The following PLCB4 variants were observed in gnomAD, a reference collection of about 807,000 sequenced individuals.
The protein encoded by PLCB4 is phospholipase C beta 4, also known as 1-phosphatidylinositol 4,5-bisphosphate phosphodiesterase beta-4.
A neutral mutation model predicts 178.8 loss-of-function variants in PLCB4; 77 were observed. The ratio of observed to expected loss-of-function variants is 0.43; its 90% CI spans 0.36 to 0.52. The LOEUF (loss-of-function observed/expected upper bound fraction) is 0.52, where lower values mean the gene tolerates loss of function less well. Ranked by LOEUF, PLCB4 falls within the 20% of genes least tolerant of loss-of-function variation. The probability of loss-of-function intolerance (pLI) is 0.00; values close to 1 mark genes in which losing one functional copy is unlikely to be tolerated. For synonymous variants in PLCB4, 496 were observed against 490.8 expected, an observed-to-expected ratio of 1.01 and a Z score of -0.14; for missense variants, 1,024 against 1,453.4, an observed-to-expected ratio of 0.70 and a Z score of 4.80.
At chr20:9,182,413 G>GT (rs1701758381) in intron 2 of PLCB4, among the ~76,000 whole-genome samples, 1 of 152,214 alleles carries the variant, frequency 6.6e-6, no homozygotes, top group Admixed American at 6.5e-5. Context: ...CATGTTCTTC[G>GT]TTTTTTGTCT....
intron 1 of PLCB4, among the ~76,000 whole-genome samples, chr20:9,084,544 C>T (rs182687200): frequency 2.0e-5 from 3 of 151,786 alleles, no homozygotes; most frequent in African/African-American, 4.8e-5. Context: ...TATCATAAGA[C>T]ATTCATTAAG....
chr20:9,397,444 A>G (rs2038682483), intron 19 of PLCB4, among the ~76,000 whole-genome samples: 2 of 152,246 alleles, frequency 1.3e-5, no homozygotes, highest in East Asian at 3.9e-4. Context: ...CTTCCCATAA[A>G]TCATGAATGT....
At chr20:9,335,504 A>G (rs896008355) in intron 4 of PLCB4, among the ~76,000 whole-genome samples, 1 of 152,210 alleles carries the variant, frequency 6.6e-6, no homozygotes, top group African/African-American at 2.4e-5. Flanking sequence ...GGGTCAAAAA[A>G]TGTCATATAC....
intron 4 of PLCB4, among the ~76,000 whole-genome samples, chr20:9,325,287 C>T (rs1294708145): frequency 6.6e-6 from 1 of 152,132 alleles, no homozygotes; most frequent in Non-Finnish European, 1.5e-5. Flanking sequence ...GCCTCCATAA[C>T]TCTAAGTTGT....
intron 32 of PLCB4, among the ~76,000 whole-genome samples, chr20:9,448,445 T>A (rs1447610767): frequency 6.6e-6 from 1 of 152,126 alleles, no homozygotes; most frequent in Non-Finnish European, 1.5e-5. Context: ...GAACAGGGAC[T>A]ATTATTTAGT....
intron 3 of PLCB4, among the ~76,000 whole-genome samples, chr20:9,304,412 T>A (rs1365735682): frequency 6.6e-6 from 1 of 151,962 alleles, no homozygotes; most frequent in Non-Finnish European, 1.5e-5. Context: ...GATTGTCACA[T>A]GTGTGTGGGT....
intron 2 of PLCB4, among the ~76,000 whole-genome samples, chr20:9,143,967 T>C (rs1434605045): frequency 6.6e-6 from 1 of 152,038 alleles, no homozygotes; most frequent in Non-Finnish European, 1.5e-5. Flanking sequence ...GGACTTAACT[T>C]TGTTGGAGAG....
chr20:9,138,886 A>G (rs778349279), intron 2 of PLCB4, among the ~76,000 whole-genome samples: 1 of 152,170 alleles, frequency 6.6e-6, no homozygotes, highest in Non-Finnish European at 1.5e-5. Flanking sequence ...CTTACTAAGT[A>G]GGAAACTGAT....
At chr20:9,431,838 A>G (rs970091465) in intron 28 of PLCB4, among the ~76,000 whole-genome samples, 2 of 152,068 alleles carry the variant, frequency 1.3e-5, no homozygotes, top group African/African-American at 4.8e-5. Context: ...TACTCCTTCC[A>G]TTCATCATTC....
intron 9 of PLCB4, among the ~76,000 whole-genome samples, chr20:9,370,678 T>G (rs1376285049): frequency 6.6e-6 from 1 of 151,798 alleles, no homozygotes; most frequent in Non-Finnish European, 1.5e-5. Context: ...GAGGCCGAGG[T>G]GGGTGGATCA....
At chr20:9,439,989 G>C (rs1279532961) in intron 30 of PLCB4, among the ~76,000 whole-genome samples, 1 of 152,186 alleles carries the variant, frequency 6.6e-6, no homozygotes, top group African/African-American at 2.4e-5. Context: ...GCTGATCTTA[G>C]CTATGCTTAT....
chr20:9,181,546 G>A (rs1275118437), intron 2 of PLCB4, among the ~76,000 whole-genome samples: 2 of 152,102 alleles, frequency 1.3e-5, no homozygotes, highest in African/African-American at 4.8e-5. Context: ...TGCAGATTCC[G>A]TGTCTGGAGA....
At chr20:9,471,654 C>T (rs1002075041) in intron 36 of PLCB4, among the ~76,000 whole-genome samples, 1 of 152,198 alleles carries the variant, frequency 6.6e-6, no homozygotes, top group African/African-American at 2.4e-5. Flanking sequence ...ATGAAAAACA[C>T]TCTACCTCAC....
intron 2 of PLCB4, among the ~76,000 whole-genome samples, chr20:9,140,577 C>G (rs1285982537): frequency 1.3e-5 from 2 of 151,728 alleles, no homozygotes; most frequent in Non-Finnish European, 2.9e-5. Context: ...GTCATGGGAG[C>G]AGATCGCTCA....
chr20:9,273,870 G>T (rs145896435), intron 3 of PLCB4, among the ~76,000 whole-genome samples: 1 of 152,180 alleles, frequency 6.6e-6, no homozygotes, highest in East Asian at 1.9e-4. Flanking sequence ...TACATTTTTA[G>T]AAAAGTTAGT....
chr20:9,098,769 A>G (rs979488292), intron 2 of PLCB4, among the ~76,000 whole-genome samples: 3 of 62,776 alleles, frequency 4.8e-5, no homozygotes, highest in African/African-American at 2.2e-4. Context: ...GTGTGTATAT[A>G]TATATGAGAC....
At chr20:9,154,957 T>TTCCC in intron 2 of PLCB4, among the ~76,000 whole-genome samples, 1 of 144,676 alleles carries the variant, frequency 6.9e-6, no homozygotes, top group East Asian at 2.2e-4. Flanking sequence ...CCTTCCTTCC[T>TTCCC]TCCTTCCTTC....
At chr20:9,254,171 A>G (rs970475040) in intron 3 of PLCB4, among the ~76,000 whole-genome samples, 1 of 152,248 alleles carries the variant, frequency 6.6e-6, no homozygotes, top group African/African-American at 2.4e-5. Flanking sequence ...TAGGCTGTAT[A>G]AAAGTTAGGC....
In PLCB4 at chr20:9,437,044, A is replaced by G. The variant is rs2041816176; in HGVS notation, c.2656A>G (p.Lys886Glu). The G allele has an allele frequency of 6.2e-7, 1 of 1,614,092 alleles. No individual in the cohort carries two copies. The highest frequency in any genetic ancestry group is 2.2e-5 in the East Asian group (1 of 44,872). ...DVPSDTSKND[K>E]KGKANTAKAN... ...GCCCAGTGACACTTCCAAAAATGAC[A>G]AGAAAGGAAAGGCCAACACCGCCAA... Residue 886 changes from lysine (K) to glutamate (E), a missense_variant, in exon 30 of 40, where the codon AAG becomes GAG. Transcript: ENST00000378473.
Sources: gnomAD v4.1 joint callset for allele counts (sites outside exome capture counted in the v4.1 genomes callset) on GRCh38, gnomAD v4.1.1 for gene constraint, MANE v1.5 for transcripts, NCBI Gene and HGNC (gene_info 2026-07-23, HGNC 2026-07-21) for gene names.